The following SMYD3 variants were observed in gnomAD, a reference collection of about 807,000 sequenced individuals.
SMYD3 encodes histone-lysine N-methyltransferase SMYD3.
SMYD3 carries 36 observed loss-of-function variants against 57.7 expected under a neutral mutation model. The observed-to-expected ratio is 0.62, with a 90% CI of 0.48 to 0.82. SMYD3 has a LOEUF of 0.82. SMYD3 is among the 40% of genes least tolerant of loss of function. SMYD3 has a pLI of 0.00. For synonymous variants in SMYD3, 211 were observed against 195.0 expected, an observed-to-expected ratio of 1.08 and a Z score of -0.68; for missense variants, 515 against 538.8, an observed-to-expected ratio of 0.96 and a Z score of 0.44.
In SMYD3 at chr1:246,118,737, T is replaced by C. The variant is rs12095053; in HGVS notation, c.532-188800A>G. Among the ~76,000 whole-genome samples, 1,094 of 152,194 alleles carry C rather than the reference T, an allele frequency of 7.2e-3. 13 individuals carry two copies. The highest frequency in any genetic ancestry group is 0.025 in the African/African-American group (1,036 of 41,500). ...TCTTCCTTGAGACTCCCAATTTTTT[T>C]TTAAAATGTGTGCTAAAGAGAAGTG... On this transcript the variant is annotated intron_variant, in intron 5 of 11. Transcript: ENST00000490107.
chr1:245,785,644 CGAGAGA>C lies in SMYD3; in HGVS notation c.1077-21501_1077-21496del, dbSNP rs59644890. On this transcript the variant is annotated intron_variant, in intron 10 of 11. Coordinates refer to ENST00000490107, the MANE Select transcript of SMYD3 (RefSeq NM_001167740.2). ...ACCTCTCCCCCAGAGAGAGAGCGAG[CGAGAGA>C]GAGAGAGAGAGTGCGTGAGAGAGTG... Among the ~76,000 whole-genome samples the C allele has an allele frequency of 1.5e-4, 22 of 149,476 alleles. No homozygotes were observed. The East Asian group carries it at 2.6e-3, about 17-fold the overall frequency.
chr1:245,841,281 T>G (rs1298063163), intron 10 of SMYD3, among the ~76,000 whole-genome samples: 1 of 152,188 alleles, frequency 6.6e-6, no homozygotes, highest in African/African-American at 2.4e-5. Flanking sequence ...GAAAATTAAA[T>G]AGCCAAAAAG....
chr1:245,789,351 G>A (rs2047174429), intron 10 of SMYD3, among the ~76,000 whole-genome samples: 1 of 152,132 alleles, frequency 6.6e-6, no homozygotes, highest in Non-Finnish European at 1.5e-5. Context: ...GACAGGAATG[G>A]CACTAGAACC....
In SMYD3 at chr1:245,810,406, A is replaced by C. The variant is rs575264294; in HGVS notation, c.1077-46257T>G. The stretch of plus-strand genomic sequence containing the variant: ...GCACCTGTTTCAGAATCCCCCGCTA[A>C]TCCTCCTTACTCCCTTCCCAGAACT... On this transcript the variant is annotated intron_variant, in intron 10 of 11. Coordinates refer to ENST00000490107, the MANE Select transcript of SMYD3 (RefSeq NM_001167740.2). Among the ~76,000 whole-genome samples the C allele has an allele frequency of 9.9e-5, 15 of 152,248 alleles. 2 individuals carry two copies. The highest frequency in any genetic ancestry group is 3.4e-4 in the African/African-American group (14 of 41,558).
chr1:245,994,144 G>A (rs530751204), intron 5 of SMYD3, among the ~76,000 whole-genome samples: 1 of 152,178 alleles, frequency 6.6e-6, no homozygotes, highest in East Asian at 1.9e-4. Context: ...AATGTCGGAA[G>A]AGTTTCTGTT....
At chr1:245,976,953 A>G (rs377028141) in intron 5 of SMYD3, among the ~76,000 whole-genome samples, 595 of 23,756 alleles carry the variant, frequency 0.025, 15 homozygotes, top group Non-Finnish European at 0.038. Context: ...CATCGTCTCT[A>G]GCCTAGGGAA....
chr1:246,136,903 A>C (rs2061673652), intron 5 of SMYD3, among the ~76,000 whole-genome samples: 1 of 152,200 alleles, frequency 6.6e-6, no homozygotes, highest in Non-Finnish European at 1.5e-5. Flanking sequence ...AACTGTATGC[A>C]CAGACCTAAC....
chr1:245,754,843 T>C (rs1296662700), intron 11 of SMYD3, among the ~76,000 whole-genome samples: 1 of 152,160 alleles, frequency 6.6e-6, no homozygotes, highest in Non-Finnish European at 1.5e-5. Flanking sequence ...AGGGACAGAA[T>C]GTAAATACCA....
chr1:246,098,754 T>C (rs976033981), intron 5 of SMYD3, among the ~76,000 whole-genome samples: 2 of 152,206 alleles, frequency 1.3e-5, no homozygotes, highest in African/African-American at 2.4e-5. Context: ...TATTTTATTA[T>C]ACTCAACTTT....
At chr1:245,780,378 A>G (rs2148134915) in intron 10 of SMYD3, among the ~76,000 whole-genome samples, 1 of 152,356 alleles carries the variant, frequency 6.6e-6, no homozygotes, top group Non-Finnish European at 1.5e-5. Flanking sequence ...TACAACATGG[A>G]TGAACTTTAA....
intron 5 of SMYD3, among the ~76,000 whole-genome samples, chr1:245,978,573 G>A (rs966125387): frequency 2.0e-5 from 3 of 152,112 alleles, no homozygotes; most frequent in Non-Finnish European, 4.4e-5. Context: ...CGGGAGGGCG[G>A]GGGGCAGAGA....
At chr1:245,831,833 A>G (rs1300322484) in intron 10 of SMYD3, among the ~76,000 whole-genome samples, 1 of 152,192 alleles carries the variant, frequency 6.6e-6, no homozygotes, top group East Asian at 1.9e-4. Context: ...AGATGGCCAA[A>G]TGATTTAAGT....
At chr1:246,504,949 T>C (rs4654273) in intron 1 of SMYD3, among the ~76,000 whole-genome samples, 36,408 of 152,224 alleles carry the variant, frequency 0.24, 4,563 homozygotes, top group Middle Eastern at 0.31. Context: ...CCTAACACTA[T>C]TTTCAGGTTG....
chr1:245,836,249 A>G (rs1017090319), intron 10 of SMYD3, among the ~76,000 whole-genome samples: 4 of 152,240 alleles, frequency 2.6e-5, no homozygotes, highest in African/African-American at 9.6e-5. Flanking sequence ...GCTATGATAC[A>G]GTCCAAGACA....
intron 8 of SMYD3, among the ~76,000 whole-genome samples, chr1:245,904,987 T>A (rs2054463798): frequency 6.6e-6 from 1 of 151,604 alleles, no homozygotes; most frequent in African/African-American, 2.4e-5. Context: ...CTAGACATAC[T>A]CTGAGCCGGA....
chr1:246,218,158 T>C (rs945207951), intron 5 of SMYD3, among the ~76,000 whole-genome samples: 1 of 151,910 alleles, frequency 6.6e-6, no homozygotes, highest in African/African-American at 2.4e-5. Context: ...CACTCTGACA[T>C]GAGTAAAGTT....
intron 8 of SMYD3, among the ~76,000 whole-genome samples, chr1:245,876,767 A>G (rs1163889948): frequency 6.6e-6 from 1 of 152,176 alleles, no homozygotes. Flanking sequence ...CTTACATTCC[A>G]GTGGTTGAAA....
At chr1:246,459,445 C>G (rs1332262058) in intron 1 of SMYD3, among the ~76,000 whole-genome samples, 3 of 151,634 alleles carry the variant, frequency 2.0e-5, no homozygotes, top group Admixed American at 6.6e-5. Flanking sequence ...TGGCACGTCC[C>G]CCTTCACTCT....
intron 5 of SMYD3, among the ~76,000 whole-genome samples, chr1:246,253,084 T>C (rs1018102189): frequency 6.6e-6 from 1 of 152,172 alleles, no homozygotes; most frequent in Admixed American, 6.5e-5. Context: ...CTGAAACTGA[T>C]AGTTTGAATT....
Sources: gnomAD v4.1 joint callset for allele counts (sites outside exome capture counted in the v4.1 genomes callset) on GRCh38, gnomAD v4.1.1 for gene constraint, MANE v1.5 for transcripts, NCBI Gene and HGNC (gene_info 2026-07-23, HGNC 2026-07-21) for gene names.